The following SYT14 variants were observed in gnomAD, a reference collection of about 807,000 sequenced individuals.
The protein encoded by SYT14 is synaptotagmin 14.
A neutral mutation model predicts 74.2 loss-of-function variants in SYT14; 32 were observed. The ratio of observed to expected loss-of-function variants is 0.43; its 90% CI spans 0.33 to 0.58. The LOEUF is 0.58. SYT14 is among the 20% of genes least tolerant of loss of function. The pLI is 0.05. For synonymous variants in SYT14, 298 were observed against 337.7 expected, an observed-to-expected ratio of 0.88 and a Z score of 1.29; for missense variants, 791 against 981.8, an observed-to-expected ratio of 0.81 and a Z score of 2.60.
At chr1:210,007,493 A>G (rs1305575941) in intron 2 of SYT14, among the ~76,000 whole-genome samples, 1 of 152,070 alleles carries the variant, frequency 6.6e-6, no homozygotes, top group Non-Finnish European at 1.5e-5. Flanking sequence ...TGGTTTTTAA[A>G]CTTAATTCTA....
intron 2 of SYT14, among the ~76,000 whole-genome samples, chr1:209,964,665 A>G (rs566633403): frequency 1.1e-4 from 17 of 152,254 alleles, no homozygotes; most frequent in African/African-American, 3.9e-4. Flanking sequence ...CTCTCTCCCT[A>G]TCATGAGGGG....
At chr1:210,085,625 TATC>T (rs1345062375) in intron 5 of SYT14, among the ~76,000 whole-genome samples, 24 of 152,336 alleles carry the variant, frequency 1.6e-4, no homozygotes, top group African/African-American at 4.3e-4. Flanking sequence ...CTTTTACAAT[TATC>T]ATATTACTTT....
intron 8 of SYT14, 42 bp downstream of exon 7, chr1:210,155,952 CT>C (rs1326832819): frequency 6.4e-7 from 1 of 1,574,744 alleles, no homozygotes; most frequent in Admixed American, 1.7e-5. Context: ...GTTTTCTGCA[CT>C]TTTGGGACTC....
chr1:210,028,763 C>A (rs989927368), intron 5 of SYT14, among the ~76,000 whole-genome samples: 2 of 152,128 alleles, frequency 1.3e-5, no homozygotes, highest in African/African-American at 4.8e-5. Context: ...TGAAACTCTT[C>A]TTTCAGTTCT....
chr1:210,102,039 G>A (rs1280973090), intron 7 of SYT14, among the ~76,000 whole-genome samples: 3 of 152,130 alleles, frequency 2.0e-5, no homozygotes. Context: ...CTGCCAACCA[G>A]TACAATAATT....
chr1:210,048,313 C>T (rs1341414985), intron 5 of SYT14, among the ~76,000 whole-genome samples: 1 of 152,106 alleles, frequency 6.6e-6, no homozygotes, highest in Non-Finnish European at 1.5e-5. Flanking sequence ...AGTCCATTTT[C>T]ACACCACTGA....
exon 7 of SYT14, chr1:210,100,302 T>A (rs2082039970): frequency 6.2e-7 from 1 of 1,613,924 alleles, no homozygotes; most frequent in Non-Finnish European, 8.5e-7. Flanking sequence ...ATGTTGAATC[T>A]GAGATGATTG....
intron 5 of SYT14, among the ~76,000 whole-genome samples, chr1:210,065,279 CA>C (rs2081276586): frequency 6.6e-6 from 1 of 152,036 alleles, no homozygotes; most frequent in South Asian, 2.1e-4. Context: ...GGGAGGAACC[CA>C]GTGGGAGGTA....
At chr1:210,092,895 G>A (rs1166823153) in intron 5 of SYT14, among the ~76,000 whole-genome samples, 1 of 152,168 alleles carries the variant, frequency 6.6e-6, no homozygotes, top group Non-Finnish European at 1.5e-5. Context: ...TTCACATTGT[G>A]TTAGACATTG....
At chr1:210,142,163 C>T (rs1256360225) in intron 7 of SYT14, among the ~76,000 whole-genome samples, 1 of 152,192 alleles carries the variant, frequency 6.6e-6, no homozygotes, top group Non-Finnish European at 1.5e-5. Context: ...GGCTCCTGGG[C>T]ACTCCAAACC....
At chr1:210,122,451 A>C (rs2082486420) in intron 7 of SYT14, among the ~76,000 whole-genome samples, 1 of 152,128 alleles carries the variant, frequency 6.6e-6, no homozygotes, top group Non-Finnish European at 1.5e-5. Flanking sequence ...AGCATAGAAA[A>C]CTAATCCTTG....
chr1:210,030,889 T>C (rs2080516768), intron 5 of SYT14, among the ~76,000 whole-genome samples: 1 of 150,794 alleles, frequency 6.6e-6, no homozygotes, highest in Admixed American at 6.6e-5. Context: ...AACTAATTAG[T>C]ATGGGAAGGC....
At chr1:209,952,209 A>G (rs1475736180) in intron 1 of SYT14, among the ~76,000 whole-genome samples, 1 of 152,234 alleles carries the variant, frequency 6.6e-6, no homozygotes, top group African/African-American at 2.4e-5. Context: ...AATATTTTTT[A>G]AAGTTAAGTT....
At chr1:210,059,331 G>T (rs2081157169) in intron 5 of SYT14, among the ~76,000 whole-genome samples, 1 of 150,506 alleles carries the variant, frequency 6.6e-6, no homozygotes, top group Admixed American at 6.6e-5. Flanking sequence ...TACTAATTTG[G>T]GAATTAATTT....
chr1:210,068,336 GT>G (rs1461235121), intron 5 of SYT14, among the ~76,000 whole-genome samples: 1 of 151,626 alleles, frequency 6.6e-6, no homozygotes, highest in Non-Finnish European at 1.5e-5. Context: ...TTATAAAGGG[GT>G]TTCCCAGAGA....
chr1:210,154,259 G>A (rs953987193), intron 7 of SYT14, among the ~76,000 whole-genome samples: 16 of 152,058 alleles, frequency 1.1e-4, no homozygotes, highest in African/African-American at 3.6e-4. Flanking sequence ...CCAACCCCCC[G>A]GCCACAGACC....
exon 5 of SYT14, chr1:210,021,250 T>G (rs1273675942): frequency 6.2e-7 from 1 of 1,613,534 alleles, no homozygotes; most frequent in African/African-American, 1.3e-5. Flanking sequence ...CATCAATAGA[T>G]GAAGGTAAGA....
intron 1 of SYT14, among the ~76,000 whole-genome samples, chr1:209,943,004 A>C (rs1168836700): frequency 6.6e-6 from 1 of 152,184 alleles, no homozygotes; most frequent in African/African-American, 2.4e-5. Flanking sequence ...TTTTAAAATA[A>C]TGAGAAGAAT....
chr1:210,135,174 G>A (rs1248579010), intron 7 of SYT14, among the ~76,000 whole-genome samples: 1 of 152,032 alleles, frequency 6.6e-6, no homozygotes, highest in Non-Finnish European at 1.5e-5. Context: ...TAGAGACAGG[G>A]TTTTGCCATG....
Sources: allele counts gnomAD v4.1 joint callset (sites outside exome capture counted in the v4.1 genomes callset), GRCh38; gene constraint gnomAD v4.1.1; transcripts MANE v1.5; gene names NCBI Gene and HGNC (gene_info 2026-07-23, HGNC 2026-07-21).